Variants in ZRANB3 observed in about 807,000 individuals in gnomAD.
ZRANB3 encodes the protein zinc finger RANBP2-type containing 3.
ZRANB3 carries 125 observed loss-of-function variants against 133.8 expected under a neutral mutation model. The observed-to-expected ratio is 0.93, with a 90% confidence interval of 0.81 to 1.08. ZRANB3 has a LOEUF of 1.08. ZRANB3 is among the 50% of genes least tolerant of loss of function. The pLI, the probability that ZRANB3 is intolerant of heterozygous loss-of-function variation, is 0.00. For synonymous variants in ZRANB3, 387 were observed against 432.7 expected (o/e 0.89, Z 1.31); for missense variants, 1,229 against 1,275.5 (o/e 0.96, Z 0.56).
chr2:135,233,350 C>A (rs898116578), intron 12 of ZRANB3, among the ~76,000 whole-genome samples: 3 of 152,162 alleles, frequency 2.0e-5, no homozygotes, highest in Non-Finnish European at 4.4e-5. Context: ...GAGAATGGAA[C>A]CAAGTTGGAA....
intron 2 of ZRANB3, among the ~76,000 whole-genome samples, chr2:135,409,882 C>T (rs1016140868): frequency 6.6e-6 from 1 of 152,090 alleles, no homozygotes; most frequent in African/African-American, 2.4e-5. Flanking sequence ...ACAATAGCCA[C>T]ACACACAAAA....
At chr2:135,365,449 A>G (rs1337103333) in intron 3 of ZRANB3, among the ~76,000 whole-genome samples, 1 of 152,238 alleles carries the variant, frequency 6.6e-6, no homozygotes, top group Non-Finnish European at 1.5e-5. Flanking sequence ...ATAAGGCTCA[A>G]TGATCAACCT....
At chr2:135,242,662 C>T (rs1167265181) in intron 12 of ZRANB3, among the ~76,000 whole-genome samples, 2 of 151,980 alleles carry the variant, frequency 1.3e-5, no homozygotes, top group East Asian at 3.9e-4. Context: ...TTTTTTTCTT[C>T]CTCTATCTTA....
intron 14 of ZRANB3, among the ~76,000 whole-genome samples, chr2:135,225,491 T>C (rs1341083799): frequency 6.6e-6 from 1 of 152,248 alleles, no homozygotes; most frequent in Non-Finnish European, 1.5e-5. Context: ...GAAACTGGCA[T>C]GTCTTACAGC....
At chr2:135,315,314 CA>C in intron 7 of ZRANB3, 44 bp downstream of exon 7, 1 of 1,412,914 alleles carries the variant, frequency 7.1e-7, no homozygotes. Context: ...TAGTGTAATT[CA>C]AAATTATTTA....
chr2:135,511,819 T>A, intron 1 of ZRANB3: 1 of 761,042 alleles, frequency 1.3e-6, no homozygotes, highest in Admixed American at 1.7e-5. Context: ...CAATCCCCCA[T>A]GGACATAAGA....
At chr2:135,382,729 G>A (rs781755486) in intron 3 of ZRANB3, among the ~76,000 whole-genome samples, 1 of 152,104 alleles carries the variant, frequency 6.6e-6, no homozygotes, top group African/African-American at 2.4e-5. Context: ...AATTTCATAT[G>A]CAGCGAAACT....
chr2:135,371,461 C>T (rs72984423), intron 3 of ZRANB3, among the ~76,000 whole-genome samples: 6,559 of 152,224 alleles, frequency 0.043, 477 homozygotes, highest in African/African-American at 0.15. Flanking sequence ...GTTTAACTCA[C>T]CATCACTGCC....
chr2:135,299,658 C>A (rs1357977520), intron 8 of ZRANB3, among the ~76,000 whole-genome samples: 2 of 152,110 alleles, frequency 1.3e-5, no homozygotes, highest in Non-Finnish European at 2.9e-5. Flanking sequence ...GAAAAAGAGA[C>A]CTTGATAATC....
intron 12 of ZRANB3, among the ~76,000 whole-genome samples, chr2:135,250,293 G>C (rs2105093960): frequency 6.6e-6 from 1 of 152,320 alleles, no homozygotes; most frequent in East Asian, 1.9e-4. Flanking sequence ...TGACTTGGGT[G>C]CTGTTAAAGG....
intron 2 of ZRANB3, among the ~76,000 whole-genome samples, chr2:135,444,364 T>C (rs1201117669): frequency 1.3e-5 from 2 of 151,990 alleles, no homozygotes; most frequent in African/African-American, 4.8e-5. Flanking sequence ...AGTGGAAAAA[T>C]ACAAATCTCC....
intron 3 of ZRANB3, among the ~76,000 whole-genome samples, chr2:135,385,170 A>G (rs1430853584): frequency 1.3e-5 from 2 of 152,218 alleles, no homozygotes; most frequent in African/African-American, 4.8e-5. Flanking sequence ...AATGTGCAAA[A>G]ATCACAAGCA....
intron 1 of ZRANB3, among the ~76,000 whole-genome samples, chr2:135,519,204 A>G (rs1162631862): frequency 6.6e-6 from 1 of 151,942 alleles, no homozygotes; most frequent in African/African-American, 2.4e-5. Context: ...TGACTGTGTC[A>G]ATATCCTGGT....
Position 135,220,592 on chromosome 2 carries a change from G to A in ZRANB3, c.2251-1414C>T, listed in dbSNP as rs540341967. Among the ~76,000 whole-genome samples the A allele has an allele frequency of 2.0e-3, 308 of 150,908 alleles. 2 individuals carry two copies. The highest frequency in any genetic ancestry group is 3.4e-3 in the Non-Finnish European group (231 of 67,812). On this transcript the variant is annotated intron_variant, in intron 15 of 20. Coordinates refer to ENST00000264159, the MANE Select transcript of ZRANB3 (RefSeq NM_032143.4). ...GTGCACCTGTAATCCCAGCTACTCC[G>A]GAGGCTGAGGCAGGAGAATCGCTTG...
intron 2 of ZRANB3, among the ~76,000 whole-genome samples, chr2:135,440,356 G>A (rs940733000): frequency 6.6e-6 from 1 of 151,682 alleles, no homozygotes; most frequent in African/African-American, 2.4e-5. Flanking sequence ...CTGAGATTGC[G>A]CCATTGCACA....
At chr2:135,526,890 G>A (rs1299293071) in intron 1 of ZRANB3, among the ~76,000 whole-genome samples, 1 of 152,138 alleles carries the variant, frequency 6.6e-6, no homozygotes, top group Non-Finnish European at 1.5e-5. Flanking sequence ...TTTAACCTGA[G>A]CATTCCTTTC....
rs148869067 is a variant in ZRANB3, at chr2:135,279,089, A to G, written c.967-3334T>C. Among the ~76,000 whole-genome samples the G allele has an allele frequency of 3.8e-3, 583 of 152,324 alleles. 4 individuals carry two copies. The highest frequency in any genetic ancestry group is 0.013 in the African/African-American group (520 of 41,576). ...GGGATTTGAAGTAAATACTAAAAAA[A>G]AAATCAGCTGAAAGAAAAGAAGGTT... On this transcript the variant is annotated intron_variant, in intron 8 of 20. Coordinates refer to ENST00000264159, the MANE Select transcript of ZRANB3 (RefSeq NM_032143.4).
At chr2:135,240,215 G>GC (rs1695491943) in intron 12 of ZRANB3, among the ~76,000 whole-genome samples, 1 of 151,982 alleles carries the variant, frequency 6.6e-6, no homozygotes, top group Non-Finnish European at 1.5e-5. Context: ...GGTGGCGTGC[G>GC]CCTGTAGTCC....
chr2:135,284,043 T>C (rs185964736), intron 8 of ZRANB3, among the ~76,000 whole-genome samples: 86 of 152,238 alleles, frequency 5.6e-4, no homozygotes, highest in African/African-American at 2.0e-3. Flanking sequence ...CTAACAAATA[T>C]TATGTCTATT....
Sources: allele counts gnomAD v4.1 joint callset (sites outside exome capture counted in the v4.1 genomes callset), GRCh38; gene constraint gnomAD v4.1.1; transcripts MANE v1.5; gene names NCBI Gene and HGNC (gene_info 2026-07-23, HGNC 2026-07-21).